SYNPR: variants seen among roughly 807,000 people sequenced by gnomAD.
SYNPR encodes synaptoporin.
A neutral mutation model predicts 32.9 loss-of-function variants in SYNPR; 23 were observed. The observed-to-expected ratio is 0.70, with a 90% CI of 0.50 to 0.99. The LOEUF is 0.99. Ranked by LOEUF, SYNPR falls within the 50% of genes least tolerant of loss-of-function variation. SYNPR has a pLI of 0.00. For missense variants in SYNPR, 318 were observed against 349.3 expected (o/e 0.91, Z 0.71); for synonymous variants, 146 against 135.9 (o/e 1.07, Z -0.52).
intron 2 of SYNPR, among the ~76,000 whole-genome samples, chr3:63,381,522 A>G (rs1457972011): frequency 2.0e-5 from 3 of 152,230 alleles, no homozygotes; most frequent in Admixed American, 6.5e-5. Context: ...CAAGCTACCA[A>G]TGACTTTCTT....
chr3:63,239,286 T>C (rs1300367464), intron 1 of SYNPR, among the ~76,000 whole-genome samples: 1 of 151,812 alleles, frequency 6.6e-6, no homozygotes, highest in Non-Finnish European at 1.5e-5. Context: ...GTCAAGTGTG[T>C]CATGCACCCA....
At chr3:63,366,946 G>T (rs970212873) in intron 2 of SYNPR, among the ~76,000 whole-genome samples, 1 of 152,232 alleles carries the variant, frequency 6.6e-6, no homozygotes, top group African/African-American at 2.4e-5. Flanking sequence ...GATAGACCAG[G>T]TGGTGGTGGC....
chr3:63,357,603 A>G (rs762813038), intron 2 of SYNPR, among the ~76,000 whole-genome samples: 4 of 152,162 alleles, frequency 2.6e-5, no homozygotes, highest in Non-Finnish European at 4.4e-5. Flanking sequence ...TTGGCAGAGC[A>G]TAGGTGTCTG....
At chr3:63,602,335 A>AGCTCTTT (rs1206831139) in intron 4 of SYNPR, among the ~76,000 whole-genome samples, 7 of 22,644 alleles carry the variant, frequency 3.1e-4, no homozygotes, top group African/African-American at 1.6e-3. Context: ...GCTGTCCAAA[A>AGCTCTTT]AAAGCTCTTT....
chr3:63,537,286 T>G (rs1321159394), intron 3 of SYNPR, among the ~76,000 whole-genome samples: 1 of 152,146 alleles, frequency 6.6e-6, no homozygotes, highest in African/African-American at 2.4e-5. Context: ...AACTTCTACC[T>G]ACTTTCCCAT....
At chr3:63,379,240 T>C (rs970467439) in intron 2 of SYNPR, among the ~76,000 whole-genome samples, 1 of 152,124 alleles carries the variant, frequency 6.6e-6, no homozygotes, top group Non-Finnish European at 1.5e-5. Flanking sequence ...TATGTGTTCA[T>C]AGGAACTTGA....
At chr3:63,547,306 G>T (rs1371774233) in intron 3 of SYNPR, among the ~76,000 whole-genome samples, 2 of 151,974 alleles carry the variant, frequency 1.3e-5, no homozygotes, top group African/African-American at 2.4e-5. Context: ...TAAGCAACCT[G>T]AGTCCAATTG....
At chr3:63,573,859 A>G (rs748976002) in intron 4 of SYNPR, among the ~76,000 whole-genome samples, 1 of 152,144 alleles carries the variant, frequency 6.6e-6, no homozygotes, top group Non-Finnish European at 1.5e-5. Context: ...GCCGCCGCCA[A>G]ATTGAGTCAG....
At chr3:63,527,408 C>T (rs1229147810) in intron 3 of SYNPR, among the ~76,000 whole-genome samples, 1 of 152,054 alleles carries the variant, frequency 6.6e-6, no homozygotes, top group Admixed American at 6.6e-5. Flanking sequence ...AAAGCACTGT[C>T]CTGTCATTCC....
At chr3:63,209,956 T>C in the SYNPR span, among the ~76,000 whole-genome samples, 1 of 152,192 alleles carries the variant, frequency 6.6e-6, no homozygotes, top group South Asian at 2.1e-4. Flanking sequence ...ATTTGTTGGA[T>C]GAATTTAGAC....
chr3:63,361,648 T>C (rs2087663358), intron 2 of SYNPR, among the ~76,000 whole-genome samples: 1 of 142,862 alleles, frequency 7.0e-6, no homozygotes. Context: ...ACACAACAGG[T>C]GTTCAGTTTA....
At chr3:63,224,201 C>T (rs546281694), upstream of SYNPR, among the ~76,000 whole-genome samples, 1 of 152,300 alleles carries the variant, frequency 6.6e-6, no homozygotes, top group Admixed American at 6.5e-5. Context: ...CTGAGCTTTG[C>T]CTCCTGTCAG....
At chr3:63,239,096 C>T (rs1321595113) in intron 1 of SYNPR, among the ~76,000 whole-genome samples, 2 of 152,096 alleles carry the variant, frequency 1.3e-5, no homozygotes, top group Admixed American at 6.5e-5. Context: ...TGTGCACAGG[C>T]TCCTCTCAAC....
intron 2 of SYNPR, among the ~76,000 whole-genome samples, chr3:63,409,801 G>C (rs904013556): frequency 1.3e-5 from 2 of 152,026 alleles, no homozygotes; most frequent in Admixed American, 6.6e-5. Flanking sequence ...CTCTCTTTTT[G>C]AGCACTGCTC....
chr3:63,376,889 G>A (rs1053085411), intron 2 of SYNPR, among the ~76,000 whole-genome samples: 5 of 151,944 alleles, frequency 3.3e-5, no homozygotes, highest in African/African-American at 1.2e-4. Flanking sequence ...AACCATACCT[G>A]TTTTATTCTC....
rs143559905 is a variant in SYNPR, at chr3:63,511,542, G to A, written c.209+30586G>A. On this transcript the variant is annotated intron_variant, in intron 3 of 5. Transcript: ENST00000478300. ...ATTTATAATCCAAGAAGGCAAGAAA[G>A]AGAACTAGGACGAGCTTGTGCTTTT... Among the ~76,000 whole-genome samples the A allele has an allele frequency of 5.9e-5, 9 of 152,256 alleles. No individual in the cohort carries two copies. In the East Asian group the frequency reaches 1.4e-3, roughly 23 times the overall value.
At position 63,466,473 on chromosome 3, in the gene SYNPR, C is replaced by T. The variant is rs113170163; in HGVS notation, c.85-14359C>T. Among the ~76,000 whole-genome samples the T allele has an allele frequency of 8.6e-3, 1,277 of 149,300 alleles. 20 individuals carry two copies. Among genetic ancestry groups the T allele is most frequent in the African/African-American group, 0.029 (1,175 of 40,814 alleles). On this transcript the variant is annotated intron_variant, in intron 2 of 5. Transcript: ENST00000478300. ...GGATTTGTTTTTTTTTTTCTTTTTGCTAAGAATACTTCATTATTGGTGTGG... is the reference window on the plus strand; with the variant it reads ...GGATTTGTTTTTTTTTTTCTTTTTGTTAAGAATACTTCATTATTGGTGTGG...
chr3:63,257,638 G>A (rs1342693636), intron 2 of SYNPR, among the ~76,000 whole-genome samples: 1 of 151,988 alleles, frequency 6.6e-6, no homozygotes. Flanking sequence ...AGACCATTGA[G>A]GCTAGGAAGA....
At chr3:63,411,888 T>C (rs557473552) in intron 2 of SYNPR, among the ~76,000 whole-genome samples, 157 of 152,216 alleles carry the variant, frequency 1.0e-3, no homozygotes, top group African/African-American at 3.6e-3. Flanking sequence ...TGTGATAACA[T>C]TGTCAGATGT....
Sources: allele counts gnomAD v4.1 joint callset (sites outside exome capture counted in the v4.1 genomes callset), GRCh38; gene constraint gnomAD v4.1.1; transcripts MANE v1.5; gene names NCBI Gene and HGNC (gene_info 2026-07-23, HGNC 2026-07-21).